CEP83: variants seen among roughly 807,000 people sequenced by gnomAD.
CEP83 encodes centrosomal protein of 83 kDa.
Under a neutral mutation model 101.9 loss-of-function variants are expected in CEP83, and 70 were observed. The observed-to-expected ratio is 0.69, with a 90% CI of 0.57 to 0.84. CEP83 has a LOEUF of 0.84. Ranked by LOEUF, CEP83 falls within the 40% of genes least tolerant of loss-of-function variation. The pLI is 0.00. For synonymous variants in CEP83, 264 were observed against 267.9 expected, an observed-to-expected ratio of 0.99 and a Z score of 0.14; for missense variants, 715 against 787.2, an observed-to-expected ratio of 0.91 and a Z score of 1.10.
intron 6 of CEP83, among the ~76,000 whole-genome samples, chr12:94,396,611 G>C (rs1331711854): frequency 6.6e-6 from 1 of 151,996 alleles, no homozygotes; most frequent in Admixed American, 6.6e-5. Flanking sequence ...TTCGTAAGAT[G>C]AGATATGTTC....
chr12:94,423,888 C>T (rs1011082690), intron 2 of CEP83: 2 of 1,611,880 alleles, frequency 1.2e-6, no homozygotes, highest in African/African-American at 2.7e-5. Flanking sequence ...CCTTGCATAG[C>T]TGCAGCCGTC....
chr12:94,324,645 G>A (rs1430167487), intron 14 of CEP83, among the ~76,000 whole-genome samples: 1 of 152,108 alleles, frequency 6.6e-6, no homozygotes, highest in Non-Finnish European at 1.5e-5. Context: ...TTCTGTCTCT[G>A]TCACTGATTT....
chr12:94,331,708 G>C lies in CEP83; in HGVS notation c.1699C>G (p.Gln567Glu). 1 of 1,613,514 alleles carries C rather than the reference G, an allele frequency of 6.2e-7. No homozygotes were observed. The highest frequency in any genetic ancestry group is 8.5e-7 in the Non-Finnish European group (1 of 1,179,840). ...KEKLQRAAIA[Q>E]KKRKSLHENK... The stretch of plus-strand genomic sequence containing the variant: ...TAATAAGAACCACTTGCCTTTTTCT[G>C]GGCAATTGCAGCTCGCTGCAGTTTC... The change falls in exon 14 of 17, where the codon CAG (glutamine) becomes GAG (glutamate). Residue 567 changes from glutamine (Q) to glutamate (E), a missense_variant. Gln to Glu is a conservative substitution (Grantham distance 29). Coordinates refer to ENST00000397809, the MANE Select transcript of CEP83 (RefSeq NM_016122.3).
chr12:94,381,647 A>T (rs1170920661), intron 6 of CEP83, among the ~76,000 whole-genome samples: 1 of 152,090 alleles, frequency 6.6e-6, no homozygotes, highest in African/African-American at 2.4e-5. Flanking sequence ...GTAAGAGAAA[A>T]GGCTCTGGAA....
intron 6 of CEP83, 122 bp from the exon 7 acceptor site, chr12:94,379,164 G>T: frequency 1.2e-6 from 1 of 827,026 alleles, no homozygotes; most frequent in Non-Finnish European, 1.8e-6. Flanking sequence ...CTGAAACAAA[G>T]TACAAAGGAA....
At chr12:94,424,859 C>T in intron 2 of CEP83, 1 of 1,602,180 alleles carries the variant, frequency 6.2e-7, no homozygotes, top group Non-Finnish European at 8.6e-7. Flanking sequence ...TGTACTGTTG[C>T]TTGGGCTAGG....
At chr12:94,282,118 A>T in the CEP83 span, 1 of 516,808 alleles carries the variant, frequency 1.9e-6, no homozygotes. Flanking sequence ...TCAGAGCCCT[A>T]AACAAACAAA....
At chr12:94,376,250 CAATAA>C (rs2061528375) in intron 7 of CEP83, among the ~76,000 whole-genome samples, 2 of 152,150 alleles carry the variant, frequency 1.3e-5, no homozygotes, top group South Asian at 4.2e-4. Flanking sequence ...GAATGACCAT[CAATAA>C]AATAAAGTTT....
the CEP83 span, among the ~76,000 whole-genome samples, chr12:94,274,239 G>T: frequency 6.6e-6 from 1 of 151,356 alleles, no homozygotes; most frequent in African/African-American, 2.4e-5. Context: ...GTGGGAGGCT[G>T]AGGTGGGAGG....
At chr12:94,295,458 C>A in the CEP83 span, among the ~76,000 whole-genome samples, 10 of 152,258 alleles carry the variant, frequency 6.6e-5, 1 homozygote, top group African/African-American at 1.4e-4. Flanking sequence ...AAAGATTGGG[C>A]CTTTTGAAGA....
chr12:94,402,620 C>T (rs1424083654), intron 5 of CEP83, among the ~76,000 whole-genome samples: 6 of 152,152 alleles, frequency 3.9e-5, no homozygotes, highest in Admixed American at 1.3e-4. Flanking sequence ...GCCAATTAGG[C>T]TGGGCATGGT....
the CEP83 span, chr12:94,297,428 A>G: frequency 1.2e-6 from 2 of 1,603,012 alleles, no homozygotes; most frequent in Non-Finnish European, 8.5e-7. Context: ...ACCAAGGTAC[A>G]CTTACTGTTC....
intron 11 of CEP83, among the ~76,000 whole-genome samples, chr12:94,359,429 C>A (rs2060638744): frequency 6.6e-6 from 1 of 151,918 alleles, no homozygotes. Context: ...TAAATAAAAT[C>A]AAAAATGAAA....
intron 2 of CEP83, among the ~76,000 whole-genome samples, chr12:94,417,015 T>C (rs2064328787): frequency 6.6e-6 from 1 of 151,896 alleles, no homozygotes; most frequent in African/African-American, 2.4e-5. Context: ...ACAGAGGCCA[T>C]CTTAGAAACC....
At position 94,333,605 on chromosome 12, in the gene CEP83, A is replaced by G; in HGVS notation, c.1454T>C (p.Leu485Pro). ...ISSLQIQVTS[L>P]AQSENDLLNS... ...CAGCAAGTCATTCTCTGACTGTGCA[A>G]GTGAAGTCACTTGGATCTGCAAACT... is the stretch of plus-strand genomic sequence containing the variant. Residue 485 changes from leucine to proline, a missense_variant, in exon 13 of 17, where the codon CTT becomes CCT. Transcript: ENST00000397809. 1 of 1,613,566 alleles carries G rather than the reference A, an allele frequency of 6.2e-7. No individual in the cohort carries two copies. Among genetic ancestry groups the G allele is most frequent in the Middle Eastern group, 1.6e-4 (1 of 6,062 alleles).
the CEP83 span, chr12:94,297,545 G>C: frequency 1.5e-6 from 1 of 680,668 alleles, no homozygotes; most frequent in Non-Finnish European, 2.6e-6. Flanking sequence ...AAAGCAAAAT[G>C]AAAGTTTAAA....
chr12:94,400,575 G>A (rs1185783119), intron 6 of CEP83, among the ~76,000 whole-genome samples: 2 of 151,964 alleles, frequency 1.3e-5, no homozygotes, highest in African/African-American at 4.8e-5. Context: ...GGCTACATAA[G>A]ACAAAAGACT....
At chr12:94,441,726 T>C (rs1275833504) in intron 1 of CEP83, among the ~76,000 whole-genome samples, 1 of 152,020 alleles carries the variant, frequency 6.6e-6, no homozygotes, top group African/African-American at 2.4e-5. Context: ...CCATCTTGAC[T>C]AACATGGTAA....
At chr12:94,317,652 A>G (rs995789402) in intron 14 of CEP83, among the ~76,000 whole-genome samples, 1 of 152,306 alleles carries the variant, frequency 6.6e-6, no homozygotes. Context: ...TTATCCCAGC[A>G]CCATTTAATG....
Sources: gnomAD v4.1 joint callset for allele counts (sites outside exome capture counted in the v4.1 genomes callset) on GRCh38, gnomAD v4.1.1 for gene constraint, MANE v1.5 for transcripts, NCBI Gene and HGNC (gene_info 2026-07-23, HGNC 2026-07-21) for gene names.